Variants in EXT1 observed in about 807,000 individuals in gnomAD.
EXT1 encodes the protein exostosin-1.
A neutral mutation model predicts 82.5 loss-of-function variants in EXT1; 20 were observed. That is an observed-to-expected ratio of 0.24 (90% CI 0.17 to 0.35). EXT1 has a LOEUF of 0.35. Among genes scored for constraint, EXT1 ranks in the 10% least tolerant of loss-of-function variants. The pLI is 1.00. For synonymous variants in EXT1, 348 were observed against 350.8 expected, an observed-to-expected ratio of 0.99 and a Z score of 0.09; for missense variants, 757 against 936.5, an observed-to-expected ratio of 0.81 and a Z score of 2.50.
chr8:117,924,759 T>C (rs1175551856), intron 1 of EXT1, among the ~76,000 whole-genome samples: 1 of 152,146 alleles, frequency 6.6e-6, no homozygotes, highest in Non-Finnish European at 1.5e-5. Context: ...TTATAAAGAT[T>C]AGGCAAACGA....
intron 1 of EXT1, among the ~76,000 whole-genome samples, chr8:118,107,138 G>A (rs918262615): frequency 7.9e-5 from 12 of 151,982 alleles, no homozygotes; most frequent in African/African-American, 2.9e-4. Flanking sequence ...CCTTTTTTTA[G>A]TTGAAACATT....
Position 118,110,702 on chromosome 8 carries a change from T to G in EXT1, c.345A>C (p.Lys115Asn), listed in dbSNP as rs201368821. 6 of 1,614,206 alleles carry G rather than the reference T, an allele frequency of 3.7e-6. No homozygotes were observed. The East Asian group carries it at 1.3e-4, about 36-fold the overall frequency. ...CTTTTTGCTGTGGGTATACGTAGAC[T>G]TTGAAGCCGTTTTTCTTGCAAAGGG... ...DFTLCKKNGF[K>N]VYVYPQQKGE... The change falls in exon 1 of 11, where the codon AAA becomes AAC. Residue 115 changes from lysine (K) to asparagine (N), a missense_variant. Coordinates refer to ENST00000378204, the MANE Select transcript of EXT1 (RefSeq NM_000127.3).
chr8:118,025,012 T>C (rs1205084994), intron 1 of EXT1, among the ~76,000 whole-genome samples: 2 of 152,238 alleles, frequency 1.3e-5, no homozygotes, highest in African/African-American at 4.8e-5. Context: ...TCCTTATCTA[T>C]GCATGAAGTA....
chr8:118,098,772 AAAAG>A (rs1393321739), intron 1 of EXT1, among the ~76,000 whole-genome samples: 8 of 151,776 alleles, frequency 5.3e-5, no homozygotes, highest in Non-Finnish European at 1.2e-4. Flanking sequence ...AAAAAAAAAA[AAAAG>A]AATAGCTAGC....
chr8:118,011,580 C>T (rs2126630), intron 1 of EXT1, among the ~76,000 whole-genome samples: 36,050 of 152,074 alleles, frequency 0.24, 5,002 homozygotes, highest in South Asian at 0.4. Context: ...ATGACTAATG[C>T]TATTTCAGAT....
At chr8:118,081,989 C>T (rs1210608046) in intron 1 of EXT1, among the ~76,000 whole-genome samples, 1 of 152,008 alleles carries the variant, frequency 6.6e-6, no homozygotes, top group African/African-American at 2.4e-5. Context: ...CTGGGGGAAA[C>T]AAGAGTCGGG....
chr8:117,958,756 G>C (rs1005611853), intron 1 of EXT1, among the ~76,000 whole-genome samples: 2 of 152,120 alleles, frequency 1.3e-5, no homozygotes, highest in Admixed American at 6.6e-5. Context: ...CATAGAACTA[G>C]AGCATTCTTT....
At chr8:118,036,893 T>C (rs1816430016) in intron 1 of EXT1, among the ~76,000 whole-genome samples, 1 of 152,180 alleles carries the variant, frequency 6.6e-6, no homozygotes, top group Non-Finnish European at 1.5e-5. Context: ...CTTTATCTTA[T>C]TCTCTTTTTC....
chr8:118,036,484 C>A (rs1816421068), intron 1 of EXT1, among the ~76,000 whole-genome samples: 1 of 152,146 alleles, frequency 6.6e-6, no homozygotes, highest in South Asian at 2.1e-4. Context: ...GCTTCTCATT[C>A]CATCTTATCC....
chr8:117,836,997 A>G (rs912140048), intron 2 of EXT1, 111 bp downstream of exon 2: 3 of 797,388 alleles, frequency 3.8e-6, no homozygotes, highest in South Asian at 1.4e-5. Context: ...CAGATCCTCA[A>G]GGGAAACCAC....
chr8:117,932,215 T>C (rs1219580762), intron 1 of EXT1, among the ~76,000 whole-genome samples: 5 of 152,180 alleles, frequency 3.3e-5, no homozygotes, highest in Non-Finnish European at 7.3e-5. Flanking sequence ...TACATAAGCA[T>C]GAAAACTATT....
intron 1 of EXT1, among the ~76,000 whole-genome samples, chr8:117,929,286 A>C (rs964878465): frequency 4.6e-5 from 7 of 152,214 alleles, no homozygotes. Flanking sequence ...GAGCTCAAAA[A>C]AGATGAAAAG....
chr8:117,823,057 C>G (rs1230856827), intron 4 of EXT1, among the ~76,000 whole-genome samples: 1 of 152,118 alleles, frequency 6.6e-6, no homozygotes, highest in Non-Finnish European at 1.5e-5. Flanking sequence ...ATTCTAGAAG[C>G]TATTGAGGTT....
rs1318780364 is a variant in EXT1, at chr8:118,110,826, T to C, written c.221A>G (p.Glu74Gly). ...PFVPWDQLEN[E>G]DSSVHISPRQ... ...GGGGGAAATGTGCACGCTGGAATCC[T>C]CGTTTTCCAATTGATCCCAAGGAAC... Residue 74 changes from glutamate (E) to glycine (G), a missense_variant, in exon 1 of 11, where the codon GAG (glutamate) becomes GGG (glycine). Glu to Gly is a moderately conservative substitution (Grantham distance 98). Transcript: ENST00000378204. 2 of 1,612,696 alleles carry C rather than the reference T, an allele frequency of 1.2e-6. No individual in the cohort carries two copies. Among genetic ancestry groups the C allele is most frequent in the South Asian group, 2.2e-5 (2 of 91,050 alleles).
rs569246616 is a variant in EXT1, at chr8:117,857,117, C to T, written c.963-19916G>A. ...ATTTTAAGCCTACCGTTGAGACCTA[C>T]GGCTTAGAAAGAAAAATTTCTTTTA... On this transcript the variant is annotated intron_variant, in intron 1 of 10. Coordinates refer to ENST00000378204, the MANE Select transcript of EXT1 (RefSeq NM_000127.3). Among the ~76,000 whole-genome samples, 31 of 152,304 alleles carry T rather than the reference C, an allele frequency of 2.0e-4. No homozygotes were observed. In the South Asian group the frequency reaches 3.1e-3, roughly 15 times the overall value.
chr8:117,969,891 G>C (rs1393406775), intron 1 of EXT1, among the ~76,000 whole-genome samples: 3 of 152,206 alleles, frequency 2.0e-5, no homozygotes. Flanking sequence ...TAGGGTCACT[G>C]ACAGGATTGA....
intron 1 of EXT1, among the ~76,000 whole-genome samples, chr8:117,845,193 G>A (rs1344078874): frequency 6.6e-6 from 1 of 152,132 alleles, no homozygotes; most frequent in Non-Finnish European, 1.5e-5. Flanking sequence ...AACCCCTATG[G>A]GAGGCATTCA....
intron 1 of EXT1, among the ~76,000 whole-genome samples, chr8:117,879,998 C>T (rs1431180845): frequency 1.3e-5 from 2 of 152,098 alleles, no homozygotes; most frequent in East Asian, 3.8e-4. Flanking sequence ...CTTCAGTAAG[C>T]CTGAAAATAA....
chr8:117,903,932 T>C (rs1420722586), intron 1 of EXT1, among the ~76,000 whole-genome samples: 2 of 152,374 alleles, frequency 1.3e-5, no homozygotes, highest in Admixed American at 6.5e-5. Flanking sequence ...ACTTCATTTG[T>C]GCCAATTCTC....
Sources: gnomAD v4.1 joint callset for allele counts (sites outside exome capture counted in the v4.1 genomes callset) on GRCh38, gnomAD v4.1.1 for gene constraint, MANE v1.5 for transcripts, NCBI Gene and HGNC (gene_info 2026-07-23, HGNC 2026-07-21) for gene names.